The following DOCK10 variants were observed in gnomAD, a reference collection of about 807,000 sequenced individuals.
DOCK10 encodes dedicator of cytokinesis protein 10.
A neutral mutation model predicts 280.1 loss-of-function variants in DOCK10; 145 were observed. The ratio of observed to expected loss-of-function variants is 0.52; its 90% CI spans 0.45 to 0.59. The LOEUF is 0.59. DOCK10 is among the 20% of genes least tolerant of loss of function. The pLI is 0.00. For synonymous variants in DOCK10, 915 were observed against 942.2 expected, an observed-to-expected ratio of 0.97 and a Z score of 0.53; for missense variants, 2,368 against 2,651.7, an observed-to-expected ratio of 0.89 and a Z score of 2.35.
rs1174651393 is a variant in DOCK10 at position 224,892,397 on chromosome 2, CAAAAAAAAA to C, written c.416+3889_416+3897del. 2.7e-4 allele frequency among the ~76,000 whole-genome samples: 14 copies of C among 52,248 alleles called. No individual in the cohort carries two copies. In the South Asian group the frequency reaches 0.016, roughly 59 times the overall value. 34.3% of individuals were successfully genotyped at this position (52,248 alleles called of 152,430 possible). A position where few individuals can be genotyped will look rare whatever the true frequency, so the allele number is the denominator to read the frequency against. ...CTGGGGACGAAGTGAGACCCTGTCT[CAAAAAAAAA>C]AAAAAAAAAAAAAAAAGAAAGAAAG... On this transcript the variant is annotated intron_variant, in intron 4 of 55. Transcript: ENST00000258390.
intron 1 of DOCK10, among the ~76,000 whole-genome samples, chr2:224,962,077 C>A (rs1386329877): frequency 3.9e-5 from 6 of 152,194 alleles, no homozygotes; most frequent in African/African-American, 1.2e-4. Flanking sequence ...GGCTTCAGGG[C>A]AAGACCTCTG....
chr2:224,801,301 A>AC (rs1692993672), intron 40 of DOCK10, among the ~76,000 whole-genome samples: 2 of 148,252 alleles, frequency 1.3e-5, no homozygotes, highest in Admixed American at 1.3e-4. Context: ...AAAAAAAAAA[A>AC]AACATATTTG....
intron 42 of DOCK10, 90 bp downstream of exon 42, chr2:224,797,742 A>T: frequency 7.0e-7 from 1 of 1,421,218 alleles, no homozygotes; most frequent in Non-Finnish European, 9.5e-7. Flanking sequence ...TTCCCTCCCT[A>T]CTGAGAAACG....
chr2:224,783,374 A>G (rs939800265), intron 50 of DOCK10, among the ~76,000 whole-genome samples: 7 of 150,670 alleles, frequency 4.6e-5, no homozygotes, highest in African/African-American at 7.3e-5. Context: ...TCCAGGGTTC[A>G]CGCCATTCTC....
chr2:224,985,044 T>C (rs1480678630), intron 1 of DOCK10, among the ~76,000 whole-genome samples: 1 of 152,100 alleles, frequency 6.6e-6, no homozygotes, highest in Non-Finnish European at 1.5e-5. Context: ...AGATTAGGTA[T>C]AAACTCTTCA....
At chr2:224,818,564 A>AT (rs1559482545) in intron 29 of DOCK10, among the ~76,000 whole-genome samples, 2 of 151,870 alleles carry the variant, frequency 1.3e-5, no homozygotes, top group Admixed American at 6.6e-5. Flanking sequence ...CGCCCGGCTA[A>AT]TTTTTTTGTA....
At chr2:224,795,162 G>A (rs750809544) in intron 44 of DOCK10, 68 bp from the exon 45 acceptor site, 1 of 1,415,304 alleles carries the variant, frequency 7.1e-7, no homozygotes, top group Non-Finnish European at 9.9e-7. Context: ...TTTAAGTTAT[G>A]CTATTAATTA....
intron 50 of DOCK10, among the ~76,000 whole-genome samples, chr2:224,781,370 C>G (rs3768876): frequency 0.59 from 89,428 of 151,958 alleles, 29,122 homozygotes; most frequent in African/African-American, 0.86. Flanking sequence ...GCAGAATAAA[C>G]CATTTACTCT....
At chr2:224,887,079 C>T (rs566583866) in intron 4 of DOCK10, among the ~76,000 whole-genome samples, 1 of 152,236 alleles carries the variant, frequency 6.6e-6, no homozygotes, top group Non-Finnish European at 1.5e-5. Context: ...ATTACATAAA[C>T]TTACACATAT....
chr2:224,936,384 G>A (rs10498175), intron 1 of DOCK10, among the ~76,000 whole-genome samples: 8,445 of 152,148 alleles, frequency 0.056, 261 homozygotes, highest in Middle Eastern at 0.12. Flanking sequence ...GAAGGAAAGA[G>A]GTTAAGGTCA....
chr2:224,960,720 T>C (rs1704314136), intron 1 of DOCK10, among the ~76,000 whole-genome samples: 1 of 140,532 alleles, frequency 7.1e-6, no homozygotes, highest in African/African-American at 2.6e-5. Context: ...AATGAACGCA[T>C]CACCAAATTC....
At chr2:224,999,238 C>A (rs1706356779) in intron 1 of DOCK10, among the ~76,000 whole-genome samples, 1 of 141,876 alleles carries the variant, frequency 7.0e-6, no homozygotes, top group Non-Finnish European at 1.5e-5. Flanking sequence ...CTCTCTTTCT[C>A]TGTCTCTCTC....
chr2:224,849,359 A>G, intron 19 of DOCK10, 148 bp downstream of exon 19: 1 of 486,794 alleles, frequency 2.1e-6, no homozygotes, highest in Non-Finnish European at 3.7e-6. Flanking sequence ...CAATTAATAT[A>G]GTTTAGAAAT....
At chr2:224,823,809 G>A (rs1338935524) in intron 27 of DOCK10, among the ~76,000 whole-genome samples, 162 bp from the exon 28 acceptor site, 4 of 152,114 alleles carry the variant, frequency 2.6e-5, no homozygotes, top group Admixed American at 6.5e-5. Context: ...TACTTTCAAG[G>A]TCATGATTTC....
At chr2:225,006,200 A>G (rs1466882178) in intron 1 of DOCK10, among the ~76,000 whole-genome samples, 1 of 152,130 alleles carries the variant, frequency 6.6e-6, no homozygotes, top group Admixed American at 6.6e-5. Context: ...CCTTCCATTT[A>G]TGGCCATCTT....
At chr2:224,992,924 T>C (rs1042751137) in intron 1 of DOCK10, among the ~76,000 whole-genome samples, 1 of 152,174 alleles carries the variant, frequency 6.6e-6, no homozygotes, top group African/African-American at 2.4e-5. Flanking sequence ...GACTTTAAGG[T>C]AGAGGTGAAG....
rs148363487 is a variant in DOCK10 at position 224,887,870 on chromosome 2, C to T, written c.417-1339G>A. Among the ~76,000 whole-genome samples, 49 of 152,282 alleles carry T rather than the reference C, an allele frequency of 3.2e-4. No homozygotes were observed. The East Asian group carries it at 9.4e-3, about 29-fold the overall frequency. ...CACTAACTTTAGTCCTCTTGTTGTA[C>T]ATTAGCTCTCTAGACTTCATCCTGC... is the stretch of plus-strand genomic sequence containing the variant. On this transcript the variant is annotated intron_variant, in intron 4 of 55. Coordinates refer to ENST00000258390, the MANE Select transcript of DOCK10 (RefSeq NM_014689.3).
chr2:224,826,747 CTATCT>C (rs1694883539), intron 27 of DOCK10, among the ~76,000 whole-genome samples: 1 of 69,562 alleles, frequency 1.4e-5, no homozygotes, highest in Non-Finnish European at 3.1e-5. Context: ...AATTATCTAT[CTATCT>C]ATCTATCTAT....
intron 1 of DOCK10, among the ~76,000 whole-genome samples, chr2:224,988,800 A>T (rs1028035753): frequency 6.6e-6 from 1 of 152,154 alleles, no homozygotes; most frequent in Non-Finnish European, 1.5e-5. Context: ...TTGATAAACG[A>T]ATTTTTTTAA....
Sources: gnomAD v4.1 joint callset for allele counts (sites outside exome capture counted in the v4.1 genomes callset) on GRCh38, gnomAD v4.1.1 for gene constraint, MANE v1.5 for transcripts, NCBI Gene and HGNC (gene_info 2026-07-23, HGNC 2026-07-21) for gene names.